Variants in GABPA observed in about 807,000 individuals in gnomAD.
The protein encoded by GABPA is GA binding protein transcription factor subunit alpha.
Under a neutral mutation model 59.4 loss-of-function variants are expected in GABPA, and 4 were observed. The observed-to-expected ratio is 0.07, with a 90% confidence interval of 0.03 to 0.15. GABPA has a LOEUF of 0.15. Ranked by LOEUF, GABPA falls within the 10% of genes least tolerant of loss-of-function variation. The probability of loss-of-function intolerance (pLI) is 1.00; values close to 1 mark genes in which losing one functional copy is unlikely to be tolerated. For synonymous variants in GABPA, 164 were observed against 183.1 expected (o/e 0.90, Z 0.84); for missense variants, 251 against 543.8 (o/e 0.46, Z 5.36).
rs1214933427 is a variant in GABPA at position 25,769,908 on chromosome 21, A to G, written c.*676A>G. 1.3e-5 allele frequency: 2 copies of G among 152,610 alleles called. No homozygotes were observed. Among genetic ancestry groups the G allele is most frequent in the Non-Finnish European group, 2.9e-5 (2 of 68,022 alleles). The allele number at this position is 152,610 out of a possible 1,614,324, so 9.5% of individuals were successfully genotyped here. Reference sequence around the variant, plus strand: ...ATTTTAAGGATTTTCTGTATAGATTACTCATGTCAGACCAAGAATTTAAAT... The same window carrying G: ...ATTTTAAGGATTTTCTGTATAGATTGCTCATGTCAGACCAAGAATTTAAAT... On this transcript the variant is annotated 3_prime_UTR_variant, in exon 10 of 10. Transcript: ENST00000400075.
intron 5 of GABPA, among the ~76,000 whole-genome samples, chr21:25,756,101 G>C (rs2035630407): frequency 6.6e-6 from 1 of 152,182 alleles, no homozygotes; most frequent in African/African-American, 2.4e-5. Flanking sequence ...TTAGAGAAAG[G>C]AGGCAGAACA....
chr21:25,744,766 A>G (rs1228162820), intron 2 of GABPA, among the ~76,000 whole-genome samples: 6 of 152,114 alleles, frequency 3.9e-5, no homozygotes, highest in Non-Finnish European at 8.8e-5. Context: ...CTTTTATTTA[A>G]CTTATTCTAT....
At chr21:25,745,881 C>T (rs1760601125) in intron 3 of GABPA, among the ~76,000 whole-genome samples, 1 of 152,124 alleles carries the variant, frequency 6.6e-6, no homozygotes, top group South Asian at 2.1e-4. Flanking sequence ...TATCCCGAGT[C>T]ATATTTTACA....
intron 1 of GABPA, among the ~76,000 whole-genome samples, chr21:25,739,075 C>T (rs1208397391): frequency 1.3e-5 from 2 of 152,226 alleles, no homozygotes; most frequent in Non-Finnish European, 2.9e-5. Context: ...CAGTCTGCTC[C>T]ATATGCATGC....
chr21:25,735,662 C>T (rs1322439118), intron 1 of GABPA, 84 bp downstream of exon 1: 1 of 152,376 alleles, frequency 6.6e-6, no homozygotes, highest in East Asian at 1.9e-4. Context: ...ACAAGGGCCC[C>T]CCCGCGGCCG....
chr21:25,745,273 A>C lies in GABPA; in HGVS notation c.141A>C (p.Pro47=), dbSNP rs1189756500. 1.9e-6 allele frequency: 3 copies of C among 1,613,928 alleles called. No homozygotes were observed. The highest frequency in any genetic ancestry group is 2.5e-6 in the Non-Finnish European group (3 of 1,179,796). The change falls in exon 3 of 10, where the codon CCA becomes CCC. Residue 47 remains proline, a synonymous_variant. Transcript: ENST00000400075. ...CVSQAIDINE[P]IGNLKKLLEP... The stretch of plus-strand genomic sequence containing the variant: ...GCCAGGCCATAGACATCAATGAACC[A>C]ATAGGCAATTTAAAGAAACTGCTAG...
At position 25,770,145 on chromosome 21, in the gene GABPA, T is replaced by C. The variant is rs1236448858; in HGVS notation, c.*913T>C. On this transcript the variant is annotated 3_prime_UTR_variant, in exon 10 of 10. Transcript: ENST00000400075. The stretch of plus-strand genomic sequence containing the variant: ...AAAGCAGCTTATATTCCTTTGTTTC[T>C]GATAAAATGAAGACTTTAAATCAGT... The C allele has an allele frequency of 6.6e-6, 1 of 152,594 alleles. No individual in the cohort carries two copies. Among genetic ancestry groups the C allele is most frequent in the African/African-American group, 2.4e-5 (1 of 41,452 alleles). The allele number at this position is 152,594 out of a possible 1,614,324, so 9.5% of individuals were successfully genotyped here. A position where few individuals can be genotyped will look rare whatever the true frequency, so the allele number is the denominator to read the frequency against.
intron 3 of GABPA, among the ~76,000 whole-genome samples, chr21:25,745,635 A>G (rs2123506236): frequency 6.6e-6 from 1 of 152,378 alleles, no homozygotes; most frequent in East Asian, 1.9e-4. Flanking sequence ...CAAAGCTTAA[A>G]TATAAGTAGT....
rs1199938655 is a variant in GABPA at position 25,771,494 on chromosome 21, A to T, written c.*2262A>T. The T allele has an allele frequency of 6.6e-6, 1 of 151,654 alleles. No homozygotes were observed. The highest frequency in any genetic ancestry group is 2.4e-5 in the African/African-American group (1 of 41,330). The allele number at this position is 151,654 out of a possible 1,614,324, so 9.4% of individuals were successfully genotyped here. A position where few individuals can be genotyped will look rare whatever the true frequency, so the allele number is the denominator to read the frequency against. Reference sequence around the variant, plus strand: ...ATGCATGACATAGGTAATGTGACTAATTTCTCCAGTTGATTCAAGAAACTC... The same window carrying T: ...ATGCATGACATAGGTAATGTGACTATTTTCTCCAGTTGATTCAAGAAACTC... On this transcript the variant is annotated 3_prime_UTR_variant, in exon 10 of 10. Coordinates refer to ENST00000400075, the MANE Select transcript of GABPA (RefSeq NM_002040.4).
chr21:25,758,746 T>G (rs1390649248), intron 6 of GABPA, among the ~76,000 whole-genome samples: 1 of 152,186 alleles, frequency 6.6e-6, no homozygotes, highest in Non-Finnish European at 1.5e-5. Context: ...CCTTTTGGCA[T>G]TGGAAGCCAT....
chr21:25,762,954 T>G (rs2035798871), intron 7 of GABPA: 10 of 372,162 alleles, frequency 2.7e-5, no homozygotes, highest in Non-Finnish European at 4.1e-5. Flanking sequence ...GGGCAAACCC[T>G]TCGCCGCCTC....
At chr21:25,767,290 A>G (rs2035913478) in intron 9 of GABPA, among the ~76,000 whole-genome samples, 2 of 151,960 alleles carry the variant, frequency 1.3e-5, no homozygotes, top group South Asian at 4.1e-4. Flanking sequence ...TTTGTAATAA[A>G]TCACTGAACT....
At chr21:25,758,678 T>C (rs1024871178) in intron 6 of GABPA, among the ~76,000 whole-genome samples, 2 of 152,236 alleles carry the variant, frequency 1.3e-5, no homozygotes, top group Admixed American at 1.3e-4. Flanking sequence ...AAATCTTTTT[T>C]GAAGTCTTTA....
intron 2 of GABPA, among the ~76,000 whole-genome samples, chr21:25,742,873 G>C (rs532616828): frequency 6.6e-6 from 1 of 151,588 alleles, no homozygotes; most frequent in South Asian, 2.1e-4. Context: ...AGTGAGCCAT[G>C]ATTGTGCCAT....
intron 9 of GABPA, among the ~76,000 whole-genome samples, chr21:25,767,823 A>G (rs1222686618): frequency 1.3e-5 from 2 of 152,132 alleles, no homozygotes; most frequent in Non-Finnish European, 2.9e-5. Context: ...GAAATCAAAC[A>G]TAACTATTTT....
At chr21:25,745,097 C>G in intron 2 of GABPA, 113 bp from the exon 3 acceptor site, 1 of 1,176,954 alleles carries the variant, frequency 8.5e-7, no homozygotes, top group Non-Finnish European at 1.2e-6. Flanking sequence ...GTAGAAATGA[C>G]TTTTCAAAGA....
Position 25,752,227 on chromosome 21 carries a change from A to G in GABPA, c.546A>G (p.Ile182Met). The stretch of plus-strand genomic sequence containing the variant: ...GGAAAGAACAAGAACGCCTTGGGAT[A>G]CCCTATGGTAATAAAATGCATAATT... ...GYRKEQERLG[I>M]PYDPIQWSTD... The change falls in exon 5 of 10, where the codon ATA becomes ATG. Residue 182 changes from isoleucine (I) to methionine (M), a missense_variant. Around this residue, in one of 4 missense-constraint regions of GABPA, gnomAD observed 207 missense variants for 366.7 expected, o/e 0.56. Coordinates refer to ENST00000400075, the MANE Select transcript of GABPA (RefSeq NM_002040.4). 1 of 1,613,230 alleles carries G rather than the reference A, an allele frequency of 6.2e-7. No individual in the cohort carries two copies. Among genetic ancestry groups the G allele is most frequent in the Non-Finnish European group, 8.5e-7 (1 of 1,179,578 alleles).
chr21:25,749,420 A>G (rs185020416), intron 4 of GABPA, among the ~76,000 whole-genome samples: 1 of 152,322 alleles, frequency 6.6e-6, no homozygotes, highest in East Asian at 1.9e-4. Context: ...ACACTGCAGA[A>G]CTGGACTGCT....
chr21:25,736,353 C>T lies in GABPA; in HGVS notation c.-27+775C>T, dbSNP rs2123477001. 1.3e-5 allele frequency among the ~76,000 whole-genome samples: 2 copies of T among 152,284 alleles called. 1 individual carries two copies. On this transcript the variant is annotated intron_variant, in intron 1 of 9. Coordinates refer to ENST00000400075, the MANE Select transcript of GABPA (RefSeq NM_002040.4). ...AGAAGAGCAAAGATTTAGCAGGATT[C>T]ACTTGAGCGAATTGTAGAACGAGGC... is the stretch of plus-strand genomic sequence containing the variant.
Sources: gnomAD v4.1 joint callset for allele counts (sites outside exome capture counted in the v4.1 genomes callset) on GRCh38, gnomAD v4.1.1 for gene constraint, gnomAD v4.1.1 regional missense constraint, MANE v1.5 for transcripts, NCBI Gene and HGNC (gene_info 2026-07-23, HGNC 2026-07-21) for gene names.